TJP1: variants seen among roughly 807,000 people sequenced by gnomAD.
TJP1 encodes tight junction protein ZO-1.
A neutral mutation model predicts 194.2 loss-of-function variants in TJP1; 43 were observed. The ratio of observed to expected loss-of-function variants is 0.22; its 90% CI spans 0.17 to 0.29. TJP1 has a LOEUF of 0.29. Among genes scored for constraint, TJP1 ranks in the 10% least tolerant of loss-of-function variants. TJP1 has a pLI of 1.00. For synonymous variants in TJP1, 801 were observed against 779.0 expected, an observed-to-expected ratio of 1.03 and a Z score of -0.47; for missense variants, 1,971 against 2,185.7, an observed-to-expected ratio of 0.90 and a Z score of 1.96.
At chr15:29,946,844 T>C (rs573615845) in intron 2 of TJP1, among the ~76,000 whole-genome samples, 1 of 152,288 alleles carries the variant, frequency 6.6e-6, no homozygotes, top group South Asian at 2.1e-4. Flanking sequence ...GGAAGCAATA[T>C]GAACACACAA....
intron 2 of TJP1, among the ~76,000 whole-genome samples, chr15:29,777,031 C>CG (rs1267865124): frequency 1.3e-5 from 2 of 152,050 alleles, no homozygotes; most frequent in East Asian, 3.9e-4. Flanking sequence ...CCTTCCACCC[C>CG]CCCCACTCAA....
intron 2 of TJP1, among the ~76,000 whole-genome samples, chr15:29,937,109 A>G (rs1177138803): frequency 6.6e-6 from 1 of 152,240 alleles, no homozygotes; most frequent in Non-Finnish European, 1.5e-5. Context: ...AGTGGTTAGC[A>G]AACCATACTA....
intron 1 of TJP1, among the ~76,000 whole-genome samples, chr15:29,810,056 C>T (rs1156882568): frequency 6.6e-6 from 1 of 152,114 alleles, no homozygotes; most frequent in Non-Finnish European, 1.5e-5. Context: ...ATCCAAAAAT[C>T]TGAAATCTGA....
chr15:29,744,368 T>C (rs1188002602), intron 8 of TJP1, among the ~76,000 whole-genome samples: 1 of 152,194 alleles, frequency 6.6e-6, no homozygotes, highest in African/African-American at 2.4e-5. Flanking sequence ...TCTATATTTA[T>C]TCTAGAGAAA....
chr15:29,720,332 C>T, intron 19 of TJP1, 26 bp downstream of exon 19: 3 of 1,519,156 alleles, frequency 2.0e-6, no homozygotes, highest in African/African-American at 2.8e-5. Context: ...CCTCTATCTA[C>T]AAAACGTTGA....
Position 29,937,724 on chromosome 15 carries a change from C to T in TJP1, c.306+18508G>A, listed in dbSNP as rs534297915. Among the ~76,000 whole-genome samples, 7 of 152,288 alleles carry T rather than the reference C, an allele frequency of 4.6e-5. No homozygotes were observed. The South Asian group carries it at 8.3e-4, about 18-fold the overall frequency. On this transcript the variant is annotated intron_variant, in intron 2 of 28. Coordinates refer to the TJP1 transcript ENST00000356107. ...GAGAATGAGTCAAGAAGGGCAGCAG[C>T]GCGACCCTCCAGGCTTTTCCAAAAT... is the stretch of plus-strand genomic sequence containing the variant.
chr15:29,825,405 C>T (rs959032286), upstream of TJP1, among the ~76,000 whole-genome samples: 2 of 152,178 alleles, frequency 1.3e-5, no homozygotes, highest in Non-Finnish European at 2.9e-5. Context: ...TTCTGATCAT[C>T]TCTGCAACTG....
In TJP1 at chr15:29,803,861, T is replaced by C. The variant is rs562981583; in HGVS notation, c.28-3159A>G. ...TGGAAAAGTCCACATCTCAAAAAACTTCTCTGTTAAACATCAATTATAGCT... is the reference window on the plus strand; with the variant it reads ...TGGAAAAGTCCACATCTCAAAAAACCTCTCTGTTAAACATCAATTATAGCT... On this transcript the variant is annotated intron_variant, in intron 1 of 27. Transcript: ENST00000614355. Among the ~76,000 whole-genome samples the C allele has an allele frequency of 3.1e-3, 468 of 152,196 alleles. 1 individual carries two copies. The highest frequency in any genetic ancestry group is 0.011 in the African/African-American group (451 of 41,532).
chr15:29,884,999 C>T (rs1036909253), intron 2 of TJP1, among the ~76,000 whole-genome samples: 2 of 152,182 alleles, frequency 1.3e-5, no homozygotes, highest in African/African-American at 4.8e-5. Flanking sequence ...CTTCTGTCAT[C>T]CTGGGGCTGC....
At chr15:29,930,423 A>C (rs1462562766) in intron 2 of TJP1, among the ~76,000 whole-genome samples, 1 of 152,244 alleles carries the variant, frequency 6.6e-6, no homozygotes, top group Non-Finnish European at 1.5e-5. Context: ...CATACTAGAA[A>C]ATACTTTAGT....
At position 29,906,048 on chromosome 15, in the gene TJP1, G is replaced by A. The variant is rs2053797729; in HGVS notation, c.306+50184C>T. ...ATGATGTGTCAATGTAGGTTAATCA[G>A]TGGTAACTAAAGTACCGCTCTGGTG... On this transcript the variant is annotated intron_variant, in intron 2 of 28. Coordinates refer to the TJP1 transcript ENST00000356107. Among the ~76,000 whole-genome samples the A allele has an allele frequency of 2.0e-5, 3 of 152,204 alleles. No homozygotes were observed. The South Asian group carries it at 6.2e-4, about 32-fold the overall frequency.
rs557083248 is a variant in TJP1 at position 29,965,837 on chromosome 15, C to T, written c.173+2830G>A. Among the ~76,000 whole-genome samples the T allele has an allele frequency of 1.0e-3, 156 of 152,326 alleles. 1 individual carries two copies. The highest frequency in any genetic ancestry group is 9.5e-3 in the Admixed American group (146 of 15,310). On this transcript the variant is annotated intron_variant, in intron 1 of 28. Coordinates refer to the TJP1 transcript ENST00000356107. The stretch of plus-strand genomic sequence containing the variant: ...CTCCAGAGTCTTCATAGAGCATACC[C>T]TTCCCTTTGCCGCTGTAGAATCAGA...
intron 2 of TJP1, among the ~76,000 whole-genome samples, chr15:29,796,161 C>T (rs2048386250): frequency 6.6e-6 from 1 of 151,528 alleles, no homozygotes; most frequent in Admixed American, 6.6e-5. Context: ...TAATTAACAA[C>T]ATCCTGAAAG....
chr15:29,807,656 G>GA lies in TJP1; in HGVS notation c.28-6955dup, dbSNP rs140462662. On this transcript the variant is annotated intron_variant, in intron 1 of 27. Transcript: ENST00000614355. Reference sequence around the variant, plus strand: ...TATTAAAACCAAAAAGACATGAGGGGAGGGGAGGAAATCAAAAACAGAATA... The same window carrying GA: ...TATTAAAACCAAAAAGACATGAGGGGAAGGGGAGGAAATCAAAAACAGAATA... Among the ~76,000 whole-genome samples, 760 of 152,122 alleles carry GA rather than the reference G, an allele frequency of 5.0e-3. 29 individuals are homozygous for GA. The East Asian group carries it at 0.097, about 19-fold the overall frequency.
intron 2 of TJP1, among the ~76,000 whole-genome samples, chr15:29,776,026 A>C (rs1420875995): frequency 1.3e-5 from 2 of 152,160 alleles, no homozygotes; most frequent in Non-Finnish European, 2.9e-5. Flanking sequence ...GAAAGCTTCT[A>C]AATTCTTTTT....
At chr15:29,800,291 T>C (rs2048698333) in intron 2 of TJP1, among the ~76,000 whole-genome samples, 1 of 152,232 alleles carries the variant, frequency 6.6e-6, no homozygotes, top group African/African-American at 2.4e-5. Context: ...CAACCTGGTT[T>C]AATTTCAAAC....
At chr15:29,746,174 C>G (rs975357085) in intron 8 of TJP1, among the ~76,000 whole-genome samples, 4 of 152,048 alleles carry the variant, frequency 2.6e-5, no homozygotes, top group African/African-American at 9.7e-5. Context: ...GTCAGAAGAT[C>G]GAGACCATCC....
intron 1 of TJP1, among the ~76,000 whole-genome samples, chr15:29,811,164 G>C (rs74322680): frequency 6.6e-6 from 1 of 152,046 alleles, no homozygotes; most frequent in African/African-American, 2.4e-5. Flanking sequence ...TGTGGCTAGA[G>C]GGGTAGGCAG....
Position 29,700,415 on chromosome 15 carries a change from GC to G in TJP1, c.*1179del. 2.5e-6 allele frequency: 1 copy of G among 398,824 alleles called. No homozygotes were observed. The highest frequency in any genetic ancestry group is 4.4e-6 in the Non-Finnish European group (1 of 226,016). 24.7% of individuals were successfully genotyped at this position (398,824 alleles called of 1,614,324 possible). ...TGAGTAACTGTATCTTTTAAATGCA[GC>G]ACTTAAAAATGTAACAACTCTGTGC... is the stretch of plus-strand genomic sequence containing the variant. On this transcript the variant is annotated 3_prime_UTR_variant, in exon 28 of 28. Coordinates refer to ENST00000614355, the MANE Select transcript of TJP1 (RefSeq NM_001330239.4).
Sources: gnomAD v4.1 joint callset for allele counts (sites outside exome capture counted in the v4.1 genomes callset) on GRCh38, gnomAD v4.1.1 for gene constraint, MANE v1.5 for transcripts, NCBI Gene and HGNC (gene_info 2026-07-23, HGNC 2026-07-21) for gene names.